MN1: variants seen among roughly 807,000 people sequenced by gnomAD.
MN1 encodes the protein MN1 proto-oncogene, transcriptional regulator, also known as transcriptional activator MN1.
MN1 carries 19 observed loss-of-function variants against 86.9 expected under a neutral mutation model. That is an observed-to-expected ratio of 0.22 (90% CI 0.15 to 0.32). MN1 has a LOEUF of 0.32. Ranked by LOEUF, MN1 falls within the 10% of genes least tolerant of loss-of-function variation. MN1 has a pLI of 1.00. For missense variants in MN1, 1,841 were observed against 1,862.0 expected (o/e 0.99, Z 0.21); for synonymous variants, 928 against 849.6 (o/e 1.09, Z -1.60).
Position 27,765,413 on chromosome 22 carries a change from A to G in MN1, c.3782-14317T>C, listed in dbSNP as rs867441511. On this transcript the variant is annotated intron_variant, in intron 1 of 1. Transcript: ENST00000302326. ...ATTAGGAGCAGAGGGTTGCTGTTAG[A>G]AAAAAAAAAGTCATTCCAGAACACA... Among the ~76,000 whole-genome samples the G allele has an allele frequency of 1.3e-4, 11 of 83,886 alleles. 2 individuals carry two copies. Among genetic ancestry groups the G allele is most frequent in the Non-Finnish European group, 1.3e-4 (6 of 45,646 alleles). 55.0% of individuals were successfully genotyped at this position (83,886 alleles called of 152,430 possible).
intron 1 of MN1, among the ~76,000 whole-genome samples, chr22:27,776,659 T>G (rs1483774830): frequency 2.0e-5 from 3 of 148,334 alleles, no homozygotes; most frequent in South Asian, 4.3e-4. Context: ...CTTTTTGAGG[T>G]TTTTTTTTTC....
chr22:27,761,724 C>T (rs997325031), intron 1 of MN1, among the ~76,000 whole-genome samples: 4 of 152,222 alleles, frequency 2.6e-5, no homozygotes, highest in Admixed American at 1.3e-4. Flanking sequence ...AAGGCCCCCC[C>T]GTTCCAGGCC....
intron 1 of MN1, among the ~76,000 whole-genome samples, chr22:27,776,855 A>G (rs1301935169): frequency 6.6e-6 from 1 of 152,042 alleles, no homozygotes; most frequent in Non-Finnish European, 1.5e-5. Flanking sequence ...GCCCAAAGGA[A>G]CTGGCCAGGA....
chr22:27,755,517 A>C (rs1355537406), intron 1 of MN1, among the ~76,000 whole-genome samples: 1 of 152,180 alleles, frequency 6.6e-6, no homozygotes, highest in Non-Finnish European at 1.5e-5. Flanking sequence ...CTCACACTCC[A>C]TGCCCAGGGT....
chr22:27,751,923 G>GC (rs1004273179), intron 1 of MN1, among the ~76,000 whole-genome samples: 2 of 152,130 alleles, frequency 1.3e-5, no homozygotes, highest in African/African-American at 4.8e-5. Context: ...TGAAGGTTCT[G>GC]CCCCTCATTG....
chr22:27,753,508 G>A (rs972973132), intron 1 of MN1, among the ~76,000 whole-genome samples: 4 of 152,196 alleles, frequency 2.6e-5, no homozygotes, highest in African/African-American at 9.6e-5. Context: ...GGTCGGGGGT[G>A]AGGGGGGCTT....
In MN1 at chr22:27,777,159, C is replaced by T. The variant is rs115636539; in HGVS notation, c.3781+19604G>A. On this transcript the variant is annotated intron_variant, in intron 1 of 1. Transcript: ENST00000302326. ...GCAGACAATCACAAGAGATTTCTTC[C>T]GAAAGCAAAATCGAGATGAAACCTC... 4.7e-3 allele frequency among the ~76,000 whole-genome samples: 714 copies of T among 152,280 alleles called. 5 individuals carry two copies. The highest frequency in any genetic ancestry group is 0.016 in the African/African-American group (677 of 41,554).
At chr22:27,768,392 C>T (rs561849505) in intron 1 of MN1, among the ~76,000 whole-genome samples, 2 of 152,336 alleles carry the variant, frequency 1.3e-5, no homozygotes, top group East Asian at 1.9e-4. Flanking sequence ...CTATGCAGAG[C>T]TCACCCACCT....
chr22:27,755,748 T>C (rs955898669), intron 1 of MN1, among the ~76,000 whole-genome samples: 1 of 152,200 alleles, frequency 6.6e-6, no homozygotes, highest in Non-Finnish European at 1.5e-5. Flanking sequence ...CGTTGGATTC[T>C]GTCTTCCAAA....
At chr22:27,751,264 G>A (rs144226492) in intron 1 of MN1, among the ~76,000 whole-genome samples, 168 bp from the exon 2 acceptor site, 3 of 152,296 alleles carry the variant, frequency 2.0e-5, no homozygotes, top group Non-Finnish European at 4.4e-5. Flanking sequence ...GAATCTTCTT[G>A]CTGTTACCCC....
chr22:27,750,045 C>T lies in MN1; in HGVS notation c.*870G>A, dbSNP rs955927055. 8 of 231,924 alleles carry T rather than the reference C, an allele frequency of 3.4e-5. No homozygotes were observed. Among genetic ancestry groups the T allele is most frequent in the East Asian group, 6.1e-5 (1 of 16,430 alleles). The allele number at this position is 231,924 out of a possible 1,614,324, so 14.4% of individuals were successfully genotyped here. On this transcript the variant is annotated 3_prime_UTR_variant, in exon 2 of 2. Coordinates refer to ENST00000302326, the MANE Select transcript of MN1 (RefSeq NM_002430.3). Reference sequence around the variant, plus strand: ...GCAGACCAAAGGCTGCTTAGCACAGCGTGAAAATGCAGGGCCTGGGCATTT... The same window carrying T: ...GCAGACCAAAGGCTGCTTAGCACAGTGTGAAAATGCAGGGCCTGGGCATTT...
At position 27,799,559 on chromosome 22, in the gene MN1, G is replaced by T; in HGVS notation, c.985C>A (p.Pro329Thr). The T allele has an allele frequency of 3.4e-6, 5 of 1,475,342 alleles. No homozygotes were observed. Among genetic ancestry groups the T allele is most frequent in the Non-Finnish European group, 3.6e-6 (4 of 1,111,016 alleles). 91.4% of individuals were successfully genotyped at this position (1,475,342 alleles called of 1,614,324 possible). A position where few individuals can be genotyped will look rare whatever the true frequency, so the allele number is the denominator to read the frequency against. ...AACGGGTGCCTGGAGCCCACTGAGG[G>T]CTCCAGACCCACAGGCATCTTTCTG... Reference protein sequence around the residue: ...GARKMPVGLEPSVGSRHPLMQ... With the variant: ...GARKMPVGLETSVGSRHPLMQ... Residue 329 changes from proline (P) to threonine (T), a missense_variant, in exon 1 of 2, where the codon CCC becomes ACC. Physicochemically the swap from Pro to Thr is conservative, Grantham distance 38. Transcript: ENST00000302326.
At position 27,800,043 on chromosome 22, in the gene MN1, C is replaced by T. The variant is rs749422510; in HGVS notation, c.501G>A (p.Pro167=). 6.2e-7 allele frequency: 1 copy of T among 1,602,066 alleles called. No individual in the cohort carries two copies. The highest frequency in any genetic ancestry group is 8.5e-7 in the Non-Finnish European group (1 of 1,179,168). ...AESQGPESFG[P]QRPGNLPDFH... is the part of the protein sequence containing the mutation. ...AGTCCGGGAGGTTCCCCGGTCGCTG[C>T]GGGCCGAAGCTCTCAGGCCCCTGGC... Residue 167 remains proline (P), a synonymous_variant, in exon 1 of 2, where the codon CCG becomes CCA. Coordinates refer to ENST00000302326, the MANE Select transcript of MN1 (RefSeq NM_002430.3).
rs1264686314 is a variant in MN1, at chr22:27,797,531, G to A, written c.3013C>T (p.Leu1005Phe). 1.9e-5 allele frequency: 30 copies of A among 1,608,212 alleles called. No homozygotes were observed. Among genetic ancestry groups the A allele is most frequent in the Non-Finnish European group, 2.2e-5 (26 of 1,178,368 alleles). The change falls in exon 1 of 2, where the codon CTC becomes TTC. Residue 1005 changes from leucine (L) to phenylalanine (F), a missense_variant. By Grantham distance (22) the Leu-to-Phe change is conservative (BLOSUM62 0). Transcript: ENST00000302326. ...RGAPTPHEKALTSPSWGKGAE... is the reference protein window; with the variant it reads ...RGAPTPHEKAFTSPSWGKGAE... The stretch of plus-strand genomic sequence containing the variant: ...CCCTTCCCCCAGGATGGCGACGTGA[G>A]CGCCTTTTCGTGGGGCGTCGGTGCC...
rs759148618 is a variant in MN1, at chr22:27,797,034, G to A, written c.3510C>T (p.Ser1170=). The A allele has an allele frequency of 1.2e-6, 2 of 1,612,450 alleles. No individual in the cohort carries two copies. Among genetic ancestry groups the A allele is most frequent in the East Asian group, 4.5e-5 (2 of 44,832 alleles). Residue 1170 remains serine (S), a synonymous_variant, in exon 1 of 2, where the codon TCC becomes TCT. Transcript: ENST00000302326. ...IQLQRQQFSI[S]EDQPLGLKGG... Reference sequence around the variant, plus strand: ...CCTTCAGCCCCAGAGGCTGGTCCTCGGAGATGCTGAACTGCTGCCTCTGTA... The same window carrying A: ...CCTTCAGCCCCAGAGGCTGGTCCTCAGAGATGCTGAACTGCTGCCTCTGTA...
Position 27,782,564 on chromosome 22 carries a change from G to T in MN1, c.3781+14199C>A, listed in dbSNP as rs1341960261. Among the ~76,000 whole-genome samples, 4 of 152,236 alleles carry T rather than the reference G, an allele frequency of 2.6e-5. No homozygotes were observed. In the East Asian group the frequency reaches 7.7e-4, roughly 29 times the overall value. On this transcript the variant is annotated intron_variant, in intron 1 of 1. Transcript: ENST00000302326. ...CCACCTGGTATATAGTCAGTGCTCA[G>T]TAAAATCTGGTGCTGGCATATAGTA...
At chr22:27,762,245 G>A (rs765651870) in intron 1 of MN1, among the ~76,000 whole-genome samples, 7 of 152,214 alleles carry the variant, frequency 4.6e-5, no homozygotes, top group Non-Finnish European at 7.3e-5. Flanking sequence ...CCTCCTGATG[G>A]TGGTGTTGCC....
rs551259029 is a variant in MN1 at position 27,770,303 on chromosome 22, T to C, written c.3782-19207A>G. On this transcript the variant is annotated intron_variant, in intron 1 of 1. Coordinates refer to ENST00000302326, the MANE Select transcript of MN1 (RefSeq NM_002430.3). Reference sequence around the variant, plus strand: ...CTTGTCACCCCAGAGTCACAGTCCATAGACAGTTGGCGGTTTGAAAGGCAG... The same window carrying C: ...CTTGTCACCCCAGAGTCACAGTCCACAGACAGTTGGCGGTTTGAAAGGCAG... Among the ~76,000 whole-genome samples the C allele has an allele frequency of 9.0e-4, 137 of 152,318 alleles. 1 individual carries two copies. Among genetic ancestry groups the C allele is most frequent in the Non-Finnish European group, 9.6e-4 (65 of 68,020 alleles).
intron 1 of MN1, among the ~76,000 whole-genome samples, chr22:27,777,264 A>C (rs1932990120): frequency 6.6e-6 from 1 of 152,156 alleles, no homozygotes; most frequent in South Asian, 2.1e-4. Flanking sequence ...TGGGTGCAGC[A>C]TCTCACGCCT....
Sources: allele counts gnomAD v4.1 joint callset (sites outside exome capture counted in the v4.1 genomes callset), GRCh38; gene constraint gnomAD v4.1.1; transcripts MANE v1.5; gene names NCBI Gene and HGNC (gene_info 2026-07-23, HGNC 2026-07-21).